The following NF1 variants were observed in gnomAD, a reference collection of about 807,000 sequenced individuals.
NF1 encodes the protein neurofibromin 1, also known as neurofibromin.
In NF1, 122 loss-of-function variants were observed where a neutral mutation model predicts 325.7. That is an observed-to-expected ratio of 0.37 (90% CI 0.32 to 0.44). The LOEUF is 0.44. Among genes scored for constraint, NF1 ranks in the 20% least tolerant of loss-of-function variants. The pLI, the probability that NF1 is intolerant of heterozygous loss-of-function variation, is 1.00. For missense variants in NF1, 2,140 were observed against 3,415.4 expected, an observed-to-expected ratio of 0.63 and a Z score of 9.31; for synonymous variants, 1,091 against 1,186.0, an observed-to-expected ratio of 0.92 and a Z score of 1.65.
intron 57 of NF1, among the ~76,000 whole-genome samples, chr17:31,369,648 A>G (rs2070594833): frequency 6.6e-6 from 1 of 152,238 alleles, no homozygotes; most frequent in Non-Finnish European, 1.5e-5. Flanking sequence ...AAGAGATACC[A>G]GAATACAAAA....
chr17:31,185,927 A>G lies in NF1; in HGVS notation c.888+3262A>G, dbSNP rs374594818. On this transcript the variant is annotated intron_variant, in intron 8 of 57. Coordinates refer to ENST00000358273, the MANE Select transcript of NF1 (RefSeq NM_001042492.3). ...TAGGATTTTGGAGCAAGGCCCTGCCATCTTCTGCAGATAACTACTCTCCTT... is the reference window on the plus strand; with the variant it reads ...TAGGATTTTGGAGCAAGGCCCTGCCGTCTTCTGCAGATAACTACTCTCCTT... Among the ~76,000 whole-genome samples the G allele has an allele frequency of 3.1e-3, 474 of 152,306 alleles. 2 individuals carry two copies. Among genetic ancestry groups the G allele is most frequent in the Middle Eastern group, 6.8e-3 (2 of 294 alleles).
chr17:31,277,495 A>G (rs1241131699), intron 36 of NF1, among the ~76,000 whole-genome samples: 3 of 152,190 alleles, frequency 2.0e-5, no homozygotes, highest in African/African-American at 4.8e-5. Context: ...GCTGACTAAC[A>G]TAACTACATG....
In NF1 at chr17:31,232,839, T is replaced by C. The variant is rs771258163; in HGVS notation, c.3454T>C (p.Leu1152=). 10 of 1,614,016 alleles carry C rather than the reference T, an allele frequency of 6.2e-6. 1 individual carries two copies. The South Asian group carries it at 1.1e-4, about 18-fold the overall frequency. The change falls in exon 26 of 58, where the codon TTA becomes CTA. Residue 1152 remains leucine (L), a synonymous_variant. Coordinates refer to ENST00000358273, the MANE Select transcript of NF1 (RefSeq NM_001042492.3). ...RHCTVLAMSN[L]LNANVDSGLM... is the part of the protein sequence containing the mutation. ...CTGTACGGTCCTTGCAATGTCAAAC[T>C]TACTCAATGCCAACGTAGACAGTGG...
At chr17:31,304,344 C>G (rs1401349513) in intron 36 of NF1, 13 of 1,613,988 alleles carry the variant, frequency 8.1e-6, no homozygotes, top group Middle Eastern at 3.3e-4. Context: ...ACTCCTGACA[C>G]TGGATCTCAA....
At chr17:31,214,683 GC>G in intron 13 of NF1, 98 bp downstream of exon 13, 1 of 1,157,942 alleles carries the variant, frequency 8.6e-7, no homozygotes. Flanking sequence ...TAGCTCAAGA[GC>G]ACTTACTGAT....
intron 22 of NF1, 109 bp downstream of exon 22, chr17:31,230,083 C>G: frequency 2.7e-6 from 4 of 1,458,972 alleles, no homozygotes; most frequent in Non-Finnish European, 2.9e-6. Flanking sequence ...CTTTACTGCA[C>G]ACAAACTAGG....
chr17:31,227,143 T>G (rs2067028526), intron 18 of NF1, 75 bp from the exon 19 acceptor site: 2 of 1,464,000 alleles, frequency 1.4e-6, no homozygotes, highest in Non-Finnish European at 1.9e-6. Context: ...TCCTTTTGGG[T>G]GGAGCTTATC....
chr17:31,252,052 T>C (rs989168232), intron 30 of NF1: 1 of 218,102 alleles, frequency 4.6e-6, no homozygotes, highest in Non-Finnish European at 9.2e-6. Context: ...AAAGAAATCT[T>C]TGGTCTAGAA....
At chr17:31,212,095 A>G (rs562795568) in intron 12 of NF1, among the ~76,000 whole-genome samples, 1 of 152,280 alleles carries the variant, frequency 6.6e-6, no homozygotes, top group East Asian at 1.9e-4. Flanking sequence ...AGCTGTATAA[A>G]ATATTTTTCT....
rs139527415 is a variant in NF1, at chr17:31,358,994, G to A, written c.8139G>A (p.Arg2713=). 2.2e-5 allele frequency: 35 copies of A among 1,613,734 alleles called. No homozygotes were observed. Among genetic ancestry groups the A allele is most frequent in the Non-Finnish European group, 2.4e-5 (28 of 1,179,894 alleles). ...LQSFGFNGLW[R]FAGPFSKQTQ... ...GTTTTGGTTTTAATGGCTTGTGGCG[G>A]TTTGCAGGACCGTTTTCAAAGGTAA... The change falls in exon 56 of 58, where the codon CGG becomes CGA. Residue 2713 remains arginine (R), a synonymous_variant. Transcript: ENST00000358273.
intron 36 of NF1, chr17:31,296,028 A>G (rs1010494908): frequency 3.7e-6 from 6 of 1,614,166 alleles, no homozygotes; most frequent in Non-Finnish European, 5.1e-6. Context: ...GACATGTTCC[A>G]CAGAGACCGA....
intron 1 of NF1, among the ~76,000 whole-genome samples, chr17:31,120,639 T>A (rs528879559): frequency 1.3e-5 from 2 of 152,266 alleles, no homozygotes; most frequent in South Asian, 4.1e-4. Flanking sequence ...CTTCCAATAC[T>A]ATGTTGTATA....
At chr17:31,144,425 A>G (rs1401971784) in intron 1 of NF1, among the ~76,000 whole-genome samples, 1 of 152,198 alleles carries the variant, frequency 6.6e-6, no homozygotes, top group Admixed American at 6.5e-5. Flanking sequence ...ATTGCTGTAT[A>G]ATAAGCTACT....
chr17:31,315,499 A>G (rs1173188770), intron 36 of NF1, among the ~76,000 whole-genome samples: 1 of 152,220 alleles, frequency 6.6e-6, no homozygotes, highest in Non-Finnish European at 1.5e-5. Context: ...GACTGTATCA[A>G]AACATCTCAT....
intron 3 of NF1, 63 bp downstream of exon 3, chr17:31,159,156 C>G (rs547138786): frequency 8.8e-7 from 1 of 1,139,294 alleles, no homozygotes. Flanking sequence ...GATCTTATGT[C>G]CCAAAGTACA....
intron 36 of NF1, among the ~76,000 whole-genome samples, chr17:31,279,060 G>A (rs868047597): frequency 1.3e-5 from 2 of 152,106 alleles, no homozygotes; most frequent in Admixed American, 6.5e-5. Flanking sequence ...GCAACATCAT[G>A]AGACCCTGTC....
At chr17:31,125,799 G>A (rs904248108) in intron 1 of NF1, among the ~76,000 whole-genome samples, 1 of 152,148 alleles carries the variant, frequency 6.6e-6, no homozygotes, top group Non-Finnish European at 1.5e-5. Flanking sequence ...GTCTCCTGAA[G>A]TGCTAGGATT....
intron 4 of NF1, 67 bp from the exon 5 acceptor site, chr17:31,169,824 G>A: frequency 9.0e-7 from 1 of 1,112,194 alleles, no homozygotes; most frequent in East Asian, 2.4e-5. Flanking sequence ...GGGATTACAG[G>A]TGTGAGATAC....
intron 5 of NF1, among the ~76,000 whole-genome samples, chr17:31,170,347 A>G (rs1567821029): frequency 6.6e-6 from 1 of 152,230 alleles, no homozygotes; most frequent in Non-Finnish European, 1.5e-5. Context: ...CTATTGTAGC[A>G]CTTTACAAAG....
Sources: gnomAD v4.1 joint callset for allele counts (sites outside exome capture counted in the v4.1 genomes callset) on GRCh38, gnomAD v4.1.1 for gene constraint, MANE v1.5 for transcripts, NCBI Gene and HGNC (gene_info 2026-07-23, HGNC 2026-07-21) for gene names.